PRKG1: variants seen among roughly 807,000 people sequenced by gnomAD.
PRKG1 encodes the protein protein kinase cGMP-dependent 1, also known as cGMP-dependent protein kinase 1.
Under a neutral mutation model 88.1 loss-of-function variants are expected in PRKG1, and 35 were observed. The ratio of observed to expected loss-of-function variants is 0.40; its 90% CI spans 0.30 to 0.53. The LOEUF (loss-of-function observed/expected upper bound fraction) is 0.53, where lower values mean the gene tolerates loss of function less well. Ranked by LOEUF, PRKG1 falls within the 20% of genes least tolerant of loss-of-function variation. PRKG1 has a pLI of 0.59. For missense variants in PRKG1, 540 were observed against 839.8 expected, an observed-to-expected ratio of 0.64 and a Z score of 4.41; for synonymous variants, 303 against 292.5, an observed-to-expected ratio of 1.04 and a Z score of -0.37.
intron 1 of PRKG1, among the ~76,000 whole-genome samples, chr10:51,033,754 A>G (rs996595674): frequency 2.6e-5 from 4 of 152,176 alleles, no homozygotes; most frequent in Non-Finnish European, 5.9e-5. Flanking sequence ...TTGCAGAAGA[A>G]AGGCCATTTT....
At chr10:51,571,945 A>G (rs973918926) in intron 3 of PRKG1, among the ~76,000 whole-genome samples, 1 of 151,820 alleles carries the variant, frequency 6.6e-6, no homozygotes, top group African/African-American at 2.4e-5. Flanking sequence ...AGCATACGAA[A>G]TATTGTGAGA....
At chr10:52,113,004 T>C (rs1847600324) in intron 7 of PRKG1, among the ~76,000 whole-genome samples, 1 of 152,174 alleles carries the variant, frequency 6.6e-6, no homozygotes, top group Non-Finnish European at 1.5e-5. Flanking sequence ...ACTCATCAGC[T>C]TTATGGCCTT....
At chr10:51,999,851 A>C (rs1035345456) in intron 5 of PRKG1, among the ~76,000 whole-genome samples, 8 of 152,096 alleles carry the variant, frequency 5.3e-5, no homozygotes, top group East Asian at 1.9e-4. Context: ...TTTTTCAACT[A>C]TATATTTTTT....
In PRKG1 at chr10:51,660,577, T is replaced by A. The variant is rs185307704; in HGVS notation, c.593-144008T>A. Among the ~76,000 whole-genome samples the A allele has an allele frequency of 1.2e-4, 18 of 152,290 alleles. No homozygotes were observed. The East Asian group carries it at 3.3e-3, about 28-fold the overall frequency. ...TATAGTGACTCTTTCTCATTCCTTCTCATACTCATTTCCCTACCTCAGTAA... is the reference window on the plus strand; with the variant it reads ...TATAGTGACTCTTTCTCATTCCTTCACATACTCATTTCCCTACCTCAGTAA... On this transcript the variant is annotated intron_variant, in intron 3 of 17. Coordinates refer to ENST00000373980, the MANE Select transcript of PRKG1 (RefSeq NM_006258.4).
intron 2 of PRKG1, among the ~76,000 whole-genome samples, chr10:51,435,740 G>A (rs1838909258): frequency 6.6e-6 from 1 of 151,914 alleles, no homozygotes; most frequent in African/African-American, 2.4e-5. Flanking sequence ...ATGAGCATGA[G>A]GTGGAATGGG....
At chr10:52,039,680 C>G (rs1845708079) in intron 5 of PRKG1, among the ~76,000 whole-genome samples, 1 of 152,150 alleles carries the variant, frequency 6.6e-6, no homozygotes, top group Admixed American at 6.5e-5. Flanking sequence ...AGGAAGGGAC[C>G]TAGGACCCTG....
intron 1 of PRKG1, among the ~76,000 whole-genome samples, chr10:51,045,885 C>A (rs1274358555): frequency 6.6e-6 from 1 of 152,100 alleles, no homozygotes; most frequent in Non-Finnish European, 1.5e-5. Flanking sequence ...TTTAAATCAT[C>A]AAAAAATTGA....
chr10:51,843,040 T>C (rs1840315742), intron 4 of PRKG1, among the ~76,000 whole-genome samples: 3 of 150,990 alleles, frequency 2.0e-5, no homozygotes, highest in African/African-American at 7.3e-5. Flanking sequence ...AAATAACCTA[T>C]AGATGTAAAT....
chr10:51,321,016 A>T (rs1841440401), intron 2 of PRKG1, among the ~76,000 whole-genome samples: 1 of 152,186 alleles, frequency 6.6e-6, no homozygotes, highest in South Asian at 2.1e-4. Context: ...CTTCAGAAGA[A>T]CTATTTATCT....
At chr10:51,816,471 T>C (rs1839587888) in intron 4 of PRKG1, among the ~76,000 whole-genome samples, 1 of 152,032 alleles carries the variant, frequency 6.6e-6, no homozygotes, top group South Asian at 2.1e-4. Context: ...ATTGAAAATA[T>C]TCCTTGGAAG....
chr10:51,798,682 T>G (rs1362141161), intron 3 of PRKG1, among the ~76,000 whole-genome samples: 1 of 152,068 alleles, frequency 6.6e-6, no homozygotes, highest in African/African-American at 2.4e-5. Context: ...GCTTTTTTGT[T>G]ATAGCAAGGA....
At chr10:52,089,530 T>C (rs1356862143) in intron 7 of PRKG1, among the ~76,000 whole-genome samples, 1 of 152,132 alleles carries the variant, frequency 6.6e-6, no homozygotes, top group Non-Finnish European at 1.5e-5. Context: ...GAGATGATAA[T>C]AGAAAGATCT....
At chr10:51,914,624 A>G (rs1024910769) in intron 5 of PRKG1, among the ~76,000 whole-genome samples, 1 of 152,184 alleles carries the variant, frequency 6.6e-6, no homozygotes, top group African/African-American at 2.4e-5. Context: ...TTCATGTCCA[A>G]TTTTCCCTTT....
intron 3 of PRKG1, among the ~76,000 whole-genome samples, chr10:51,561,534 A>G (rs781191639): frequency 2.6e-5 from 4 of 151,992 alleles, no homozygotes; most frequent in South Asian, 2.1e-4. Context: ...GTTTGTTTCT[A>G]TGTTATAGAT....
chr10:51,860,174 A>G (rs1159530608), intron 4 of PRKG1, among the ~76,000 whole-genome samples: 1 of 152,188 alleles, frequency 6.6e-6, no homozygotes, highest in Non-Finnish European at 1.5e-5. Flanking sequence ...GTGTGCTCTT[A>G]ATCATGAGAC....
At chr10:51,154,379 A>G (rs187184162) in intron 2 of PRKG1, among the ~76,000 whole-genome samples, 16 of 152,096 alleles carry the variant, frequency 1.1e-4, no homozygotes, top group Admixed American at 5.9e-4. Context: ...AAGGCCAGGC[A>G]TACTGCTCAA....
At chr10:52,243,873 A>T (rs527414840) in intron 9 of PRKG1, among the ~76,000 whole-genome samples, 1 of 152,262 alleles carries the variant, frequency 6.6e-6, no homozygotes, top group East Asian at 1.9e-4. Flanking sequence ...CGTTGGCTAT[A>T]GCTCCTCAAG....
intron 2 of PRKG1, among the ~76,000 whole-genome samples, chr10:51,154,647 T>C (rs1037129338): frequency 2.6e-5 from 4 of 152,026 alleles, no homozygotes; most frequent in Admixed American, 2.6e-4. Flanking sequence ...TTTGGATATA[T>C]GTTAGGCATT....
intron 7 of PRKG1, among the ~76,000 whole-genome samples, chr10:52,111,414 A>G (rs747870620): frequency 5.9e-5 from 9 of 152,218 alleles, no homozygotes; most frequent in Non-Finnish European, 1.0e-4. Context: ...ACTCAGTATT[A>G]TAGGATTTGT....
Sources: allele counts gnomAD v4.1 joint callset (sites outside exome capture counted in the v4.1 genomes callset), GRCh38; gene constraint gnomAD v4.1.1; transcripts MANE v1.5; gene names NCBI Gene and HGNC (gene_info 2026-07-23, HGNC 2026-07-21).